Variants in SMARCA2 observed in about 807,000 individuals in gnomAD.
The protein encoded by SMARCA2 is SWI/SNF related BAF chromatin remodeling complex subunit ATPase 2.
SMARCA2 carries 61 observed loss-of-function variants against 199.8 expected under a neutral mutation model. That is an observed-to-expected ratio of 0.31 (90% CI 0.25 to 0.38). The LOEUF (loss-of-function observed/expected upper bound fraction) is 0.38, where lower values mean the gene tolerates loss of function less well. Among genes scored for constraint, SMARCA2 ranks in the 10% least tolerant of loss-of-function variants. The pLI is 1.00. For synonymous variants in SMARCA2, 935 were observed against 732.0 expected (o/e 1.28, Z -4.48); for missense variants, 1,344 against 2,012.2 (o/e 0.67, Z 6.35).
intron 3 of SMARCA2, among the ~76,000 whole-genome samples, chr9:2,034,699 T>C (rs1034862338): frequency 6.6e-6 from 1 of 152,226 alleles, no homozygotes; most frequent in Non-Finnish European, 1.5e-5. Context: ...CTATGCACAG[T>C]TGTTTTCTTT....
chr9:2,078,611 T>C (rs1233175043), intron 14 of SMARCA2, among the ~76,000 whole-genome samples: 1 of 152,162 alleles, frequency 6.6e-6, no homozygotes, highest in Non-Finnish European at 1.5e-5. Flanking sequence ...TCCCAAATTG[T>C]GTTCCATGAG....
intron 27 of SMARCA2, among the ~76,000 whole-genome samples, chr9:2,134,963 A>G (rs1193299047): frequency 1.3e-5 from 2 of 151,932 alleles, no homozygotes; most frequent in African/African-American, 4.9e-5. Context: ...TATTAGGGTT[A>G]TCCACAGAAA....
intron 31 of SMARCA2, among the ~76,000 whole-genome samples, chr9:2,185,333 A>G (rs930132878): frequency 6.6e-6 from 1 of 152,216 alleles, no homozygotes; most frequent in Non-Finnish European, 1.5e-5. Flanking sequence ...ACAATCCTCC[A>G]GTTACAGGAT....
intron 29 of SMARCA2, among the ~76,000 whole-genome samples, chr9:2,175,197 G>A (rs776867718): frequency 6.6e-6 from 1 of 152,100 alleles, no homozygotes; most frequent in Non-Finnish European, 1.5e-5. Flanking sequence ...GTTATGAAAC[G>A]TCAAGTGAGA....
chr9:2,120,434 G>C (rs1279390205), intron 26 of SMARCA2, among the ~76,000 whole-genome samples: 1 of 152,196 alleles, frequency 6.6e-6, no homozygotes, highest in Non-Finnish European at 1.5e-5. Context: ...TTCAAGGGGA[G>C]CTTGAAGTCT....
chr9:2,115,704 C>A lies in SMARCA2; in HGVS notation c.3457-118C>A, dbSNP rs1031430839. On this transcript the variant is annotated intron_variant, in intron 24 of 33. Transcript: ENST00000349721. The surrounding 1 kb of genome is among the most constrained non-coding windows in gnomAD (Gnocchi z 6.0). Reference sequence around the variant, plus strand: ...TGTGTTTTTAAAATGTAGGCAAAATCTTACCTTAGTGAAGGTGAAATACAG... The same window carrying A: ...TGTGTTTTTAAAATGTAGGCAAAATATTACCTTAGTGAAGGTGAAATACAG... 5.5e-5 allele frequency: 42 copies of A among 757,352 alleles called. No individual in the cohort carries two copies. Among genetic ancestry groups the A allele is most frequent in the Non-Finnish European group, 8.8e-5 (41 of 464,078 alleles). 46.9% of individuals were successfully genotyped at this position (757,352 alleles called of 1,614,324 possible).
At chr9:2,063,222 C>A (rs551562200) in intron 9 of SMARCA2, among the ~76,000 whole-genome samples, 1 of 152,192 alleles carries the variant, frequency 6.6e-6, no homozygotes, top group African/African-American at 2.4e-5. Flanking sequence ...AGGCCCTTAG[C>A]CCTTCCTGGT....
chr9:2,146,920 C>G (rs1025094205), intron 27 of SMARCA2, among the ~76,000 whole-genome samples: 1 of 152,166 alleles, frequency 6.6e-6, no homozygotes, highest in Non-Finnish European at 1.5e-5. Flanking sequence ...TCTTTATGAC[C>G]TGTATCTTGT....
At chr9:2,021,089 T>G (rs888809454) in intron 1 of SMARCA2, among the ~76,000 whole-genome samples, 1 of 152,196 alleles carries the variant, frequency 6.6e-6, no homozygotes, top group Non-Finnish European at 1.5e-5. Flanking sequence ...TCTATAGTAT[T>G]TTTAGGTGGA....
At chr9:2,055,897 C>G (rs1235111750) in intron 6 of SMARCA2, among the ~76,000 whole-genome samples, 1 of 152,096 alleles carries the variant, frequency 6.6e-6, no homozygotes, top group Non-Finnish European at 1.5e-5. Context: ...CCATGACGGA[C>G]TCTTATTGAT....
chr9:2,022,984 T>C (rs1240447973), intron 1 of SMARCA2, among the ~76,000 whole-genome samples: 1 of 152,228 alleles, frequency 6.6e-6, no homozygotes, highest in Admixed American at 6.5e-5. Context: ...GAGGATGCTT[T>C]GCTCTAAAGG....
chr9:2,174,053 C>G (rs544478278), intron 29 of SMARCA2, among the ~76,000 whole-genome samples: 1 of 152,122 alleles, frequency 6.6e-6, no homozygotes, highest in African/African-American at 2.4e-5. Flanking sequence ...GCCAGTTATG[C>G]CCACGTACAG....
At chr9:2,178,482 G>C (rs1826779826) in intron 29 of SMARCA2, among the ~76,000 whole-genome samples, 1 of 152,142 alleles carries the variant, frequency 6.6e-6, no homozygotes, top group Non-Finnish European at 1.5e-5. Flanking sequence ...CCTTGGGATA[G>C]GATAAGCATT....
intron 27 of SMARCA2, among the ~76,000 whole-genome samples, chr9:2,132,623 T>G (rs965162260): frequency 6.6e-6 from 1 of 152,192 alleles, no homozygotes; most frequent in African/African-American, 2.4e-5. Context: ...CTTTTAAAAT[T>G]GGGTCATCAG....
intron 9 of SMARCA2, among the ~76,000 whole-genome samples, chr9:2,062,398 A>T (rs1186417334): frequency 6.6e-6 from 1 of 152,126 alleles, no homozygotes; most frequent in Non-Finnish European, 1.5e-5. Flanking sequence ...TGTATTTTAC[A>T]TTTCTTTGTG....
Position 2,185,475 on chromosome 9 carries a change from G to A in SMARCA2, c.4462-621G>A, listed in dbSNP as rs572234382. ...TTGTGAATAATGCTGCTAGGAACAT[G>A]GGTGTGCCAATGTCTTTTCAAGACG... On this transcript the variant is annotated intron_variant, in intron 31 of 33. Coordinates refer to ENST00000349721, the MANE Select transcript of SMARCA2 (RefSeq NM_003070.5). Among the ~76,000 whole-genome samples, 55 of 152,322 alleles carry A rather than the reference G, an allele frequency of 3.6e-4. No individual in the cohort carries two copies. The South Asian group carries it at 0.011, about 29-fold the overall frequency.
chr9:2,191,557 GA>G (rs1827886461), intron 33 of SMARCA2, 149 bp downstream of exon 33: 1 of 825,288 alleles, frequency 1.2e-6, no homozygotes, highest in African/African-American at 1.7e-5. Flanking sequence ...TGAGGGATGT[GA>G]ACGGAGCTGT....
chr9:2,190,175 G>T (rs1182321086), intron 32 of SMARCA2, among the ~76,000 whole-genome samples: 1 of 152,218 alleles, frequency 6.6e-6, no homozygotes, highest in South Asian at 2.1e-4. Context: ...TGTTTCCATT[G>T]GTATCCCCAG....
intron 19 of SMARCA2, among the ~76,000 whole-genome samples, chr9:2,091,613 G>A (rs1005086017): frequency 2.0e-5 from 3 of 152,218 alleles, no homozygotes; most frequent in Admixed American, 6.5e-5. Context: ...TTGAGTAAAC[G>A]CCTTAGGTGT....
Sources: allele counts gnomAD v4.1 joint callset (sites outside exome capture counted in the v4.1 genomes callset), GRCh38; gene constraint gnomAD v4.1.1; non-coding constraint Gnocchi (gnomAD v3.1); transcripts MANE v1.5; gene names NCBI Gene and HGNC (gene_info 2026-07-23, HGNC 2026-07-21).